COMMD10: variants seen among roughly 807,000 people sequenced by gnomAD.
COMMD10 encodes COMM domain containing 10.
Under a neutral mutation model 28.9 loss-of-function variants are expected in COMMD10, and 33 were observed. The ratio of observed to expected loss-of-function variants is 1.14; its 90% CI spans 0.87 to 1.53. The LOEUF (loss-of-function observed/expected upper bound fraction) is 1.53, where lower values mean the gene tolerates loss of function less well. Among genes scored for constraint, COMMD10 ranks in the 40% most tolerant of loss-of-function variants. COMMD10 has a pLI of 0.00. For missense variants in COMMD10, 310 were observed against 233.4 expected (o/e 1.33, Z -2.14); for synonymous variants, 110 against 81.7 (o/e 1.35, Z -1.87).
chr5:116,118,369 TG>T (rs1467343411), intron 4 of COMMD10, among the ~76,000 whole-genome samples: 2 of 152,258 alleles, frequency 1.3e-5, no homozygotes, highest in African/African-American at 4.8e-5. Flanking sequence ...TGTTTACTGC[TG>T]TTATTTTCAC....
chr5:116,120,819 T>G (rs62384715), intron 4 of COMMD10, among the ~76,000 whole-genome samples: 1 of 151,514 alleles, frequency 6.6e-6, no homozygotes, highest in African/African-American at 2.4e-5. Context: ...TCTGTTCACC[T>G]GTTTGTGGAT....
rs141582616 is a variant in COMMD10 at position 116,222,712 on chromosome 5, G to A, written c.511-68805G>A. Among the ~76,000 whole-genome samples the A allele has an allele frequency of 4.1e-4, 63 of 152,256 alleles. 1 individual carries two copies. Among genetic ancestry groups the A allele is most frequent in the African/African-American group, 1.4e-3 (58 of 41,542 alleles). ...TATTTATTTGTTTATTATTTTTTGA[G>A]AGGGAGTCTTGCTCTGTTGCCCAGG... On this transcript the variant is annotated intron_variant, in intron 5 of 6. Transcript: ENST00000274458.
intron 6 of COMMD10, 76 bp downstream of exon 6, chr5:116,291,652 T>C: frequency 1.2e-6 from 1 of 807,694 alleles, no homozygotes; most frequent in Non-Finnish European, 1.9e-6. Context: ...TGAATTCTTA[T>C]TTTTAAATGT....
chr5:116,290,693 G>T (rs899558391), intron 5 of COMMD10, among the ~76,000 whole-genome samples: 16 of 151,794 alleles, frequency 1.1e-4, no homozygotes, highest in African/African-American at 3.9e-4. Context: ...TGTGATCAGA[G>T]CAGTTAGCAT....
intron 3 of COMMD10, 75 bp downstream of exon 3, chr5:116,091,264 TTC>T (rs752418400): frequency 1.6e-4 from 103 of 663,212 alleles, no homozygotes; most frequent in Middle Eastern, 1.3e-3. Flanking sequence ...ATCTATGACA[TTC>T]TGTTTTTTTT....
chr5:116,218,694 C>G (rs755152991), intron 5 of COMMD10, among the ~76,000 whole-genome samples: 1 of 152,070 alleles, frequency 6.6e-6, no homozygotes, highest in Non-Finnish European at 1.5e-5. Context: ...AAGAAGCATT[C>G]TCTTGGTGAG....
intron 5 of COMMD10, among the ~76,000 whole-genome samples, chr5:116,208,377 C>T (rs1376036266): frequency 6.6e-6 from 1 of 152,118 alleles, no homozygotes; most frequent in Non-Finnish European, 1.5e-5. Context: ...TTGGAAGCTT[C>T]CTCATTTAAC....
chr5:116,181,797 G>T (rs1328263490), intron 5 of COMMD10, among the ~76,000 whole-genome samples: 1 of 151,976 alleles, frequency 6.6e-6, no homozygotes, highest in East Asian at 1.9e-4. Flanking sequence ...TATCACAGTA[G>T]TAGGATATTA....
intron 5 of COMMD10, among the ~76,000 whole-genome samples, chr5:116,256,206 T>C (rs1334181727): frequency 6.6e-6 from 1 of 151,742 alleles, no homozygotes; most frequent in African/African-American, 2.4e-5. Context: ...TAATGAGAGT[T>C]AACCATGTTT....
Position 116,257,514 on chromosome 5 carries a change from A to G in COMMD10, c.511-34003A>G, listed in dbSNP as rs142641637. On this transcript the variant is annotated intron_variant, in intron 5 of 6. Transcript: ENST00000274458. Reference sequence around the variant, plus strand: ...GGCATTTTAGCAAAACAATAAGACAAAACAGCTTTTGACAGTTGGTTTGCT... The same window carrying G: ...GGCATTTTAGCAAAACAATAAGACAGAACAGCTTTTGACAGTTGGTTTGCT... Among the ~76,000 whole-genome samples, 393 of 151,812 alleles carry G rather than the reference A, an allele frequency of 2.6e-3. 2 individuals carry two copies. Among genetic ancestry groups the G allele is most frequent in the Non-Finnish European group, 4.4e-3 (300 of 67,958 alleles).
intron 5 of COMMD10, among the ~76,000 whole-genome samples, chr5:116,206,784 G>A (rs1050761594): frequency 1.3e-5 from 2 of 152,148 alleles, no homozygotes; most frequent in Non-Finnish European, 2.9e-5. Flanking sequence ...AAGATAAACT[G>A]CAATAAGCAA....
intron 5 of COMMD10, among the ~76,000 whole-genome samples, chr5:116,262,703 G>T (rs868188236): frequency 1.3e-5 from 2 of 151,760 alleles, no homozygotes; most frequent in Non-Finnish European, 2.9e-5. Context: ...TAAGCATTTT[G>T]TCCTTTGTAT....
chr5:116,098,738 G>T (rs1232231886), intron 4 of COMMD10, among the ~76,000 whole-genome samples: 1 of 152,158 alleles, frequency 6.6e-6, no homozygotes, highest in East Asian at 1.9e-4. Context: ...TGAATTCAAA[G>T]AGGGTAAGAT....
At chr5:116,122,780 T>A (rs894793637) in intron 4 of COMMD10, among the ~76,000 whole-genome samples, 1 of 152,208 alleles carries the variant, frequency 6.6e-6, no homozygotes, top group African/African-American at 2.4e-5. Context: ...TGGCTCTCTG[T>A]CTGTTATTGG....
intron 5 of COMMD10, among the ~76,000 whole-genome samples, chr5:116,151,194 T>G (rs1216249935): frequency 6.6e-6 from 1 of 151,742 alleles, no homozygotes; most frequent in Non-Finnish European, 1.5e-5. Context: ...CAGCCTTGCA[T>G]CCCAGGGATG....
rs960947247 is a variant in COMMD10 at position 116,187,826 on chromosome 5, G to GT, written c.510+53655dup. ...TAAATAACTTTATGTTGTAAACAGT[G>GT]TTTTTTTAAAGTACTTTCTTTATAC... On this transcript the variant is annotated intron_variant, in intron 5 of 6. Transcript: ENST00000274458. Among the ~76,000 whole-genome samples the GT allele has an allele frequency of 5.0e-4, 76 of 152,010 alleles. 2 individuals carry two copies. The highest frequency in any genetic ancestry group is 2.4e-3 in the Admixed American group (36 of 15,254).
At chr5:116,259,769 C>G (rs1344655341) in intron 5 of COMMD10, among the ~76,000 whole-genome samples, 8 of 151,724 alleles carry the variant, frequency 5.3e-5, no homozygotes, top group Admixed American at 2.0e-4. Context: ...GACTACATTT[C>G]CATAAATTGG....
chr5:116,229,969 A>C (rs1004175775), intron 5 of COMMD10, among the ~76,000 whole-genome samples: 14 of 147,050 alleles, frequency 9.5e-5, no homozygotes, highest in South Asian at 4.2e-4. Flanking sequence ...AGCCCCCCCA[A>C]AAAAAAATCA....
intron 5 of COMMD10, among the ~76,000 whole-genome samples, chr5:116,184,386 C>A (rs1287762170): frequency 6.7e-6 from 1 of 148,708 alleles, no homozygotes; most frequent in Non-Finnish European, 1.5e-5. Flanking sequence ...ATTTGGGCTT[C>A]TTTTTCTCAT....
Sources: gnomAD v4.1 joint callset for allele counts (sites outside exome capture counted in the v4.1 genomes callset) on GRCh38, gnomAD v4.1.1 for gene constraint, MANE v1.5 for transcripts, NCBI Gene and HGNC (gene_info 2026-07-23, HGNC 2026-07-21) for gene names.